PRPF4: variants seen among roughly 807,000 people sequenced by gnomAD.
The protein encoded by PRPF4 is pre-mRNA splicing tri-snRNP complex factor PRPF4.
Under a neutral mutation model 72.2 loss-of-function variants are expected in PRPF4, and 14 were observed. The observed-to-expected ratio is 0.19, with a 90% CI of 0.13 to 0.30. The LOEUF (loss-of-function observed/expected upper bound fraction) is 0.30, where lower values mean the gene tolerates loss of function less well. Among genes scored for constraint, PRPF4 ranks in the 10% least tolerant of loss-of-function variants. PRPF4 has a pLI of 1.00. For synonymous variants in PRPF4, 225 were observed against 232.2 expected, an observed-to-expected ratio of 0.97 and a Z score of 0.28; for missense variants, 478 against 653.9, an observed-to-expected ratio of 0.73 and a Z score of 2.93.
At chr9:113,276,900 C>T (rs1014472033) in intron 2 of PRPF4, among the ~76,000 whole-genome samples, 175 bp downstream of exon 2, 1 of 151,784 alleles carries the variant, frequency 6.6e-6, no homozygotes, top group Non-Finnish European at 1.5e-5. Context: ...CTGCAACCTC[C>T]GCCTCCCGGG....
At chr9:113,286,683 TG>T in intron 8 of PRPF4, 21 bp from the exon 9 acceptor site, 1 of 1,614,108 alleles carries the variant, frequency 6.2e-7, no homozygotes, top group South Asian at 1.1e-5. Flanking sequence ...CCTTTTAACT[TG>T]CATCTCTTAC....
At position 113,275,676 on chromosome 9, in the gene PRPF4, G is replaced by C. The variant is rs1832064076; in HGVS notation, c.-68G>C. On this transcript the variant is annotated 5_prime_UTR_variant, in exon 1 of 14. Transcript: ENST00000374198. ...CAGTGACGCACTTCCCCTCTGCTGG[G>C]CGCGCGGTGGACGGTCTGAAAGGGA... 1 of 1,557,786 alleles carries C rather than the reference G, an allele frequency of 6.4e-7. No individual in the cohort carries two copies.
rs1219233781 is a variant in PRPF4, at chr9:113,275,754, C to T, written c.11C>T (p.Ser4Leu). The T allele has an allele frequency of 3.7e-6, 6 of 1,612,356 alleles. No homozygotes were observed. The South Asian group carries it at 4.4e-5, about 12-fold the overall frequency. Reference protein sequence around the residue: MASSRASSTATKTK... With the variant: MASLRASSTATKTK... ...GCTCCAGAGCCCAGCATGGCTTCCT[C>T]GCGAGCCTCTTCCACGGTACAGAGC... Residue 4 changes from serine to leucine, a missense_variant, in exon 1 of 14, where the codon TCG becomes TTG. Physicochemically the swap from Ser to Leu is moderately radical, Grantham distance 145. Transcript: ENST00000374198.
rs765637017 is a variant in PRPF4 at position 113,290,433 on chromosome 9, A to G, written c.1023-33A>G. 2.0e-5 allele frequency: 32 copies of G among 1,613,678 alleles called. No individual in the cohort carries two copies. In the South Asian group the frequency reaches 3.5e-4, roughly 18 times the overall value. ...GTGTTGTAGAAACTGAATAAATATCAGCTGGTTGATTGTTAGTGTGATTTG... is the reference window on the plus strand; with the variant it reads ...GTGTTGTAGAAACTGAATAAATATCGGCTGGTTGATTGTTAGTGTGATTTG... On this transcript the variant is annotated intron_variant, in intron 10 of 13. Transcript: ENST00000374198.
Position 113,290,715 on chromosome 9 carries a change from T to C in PRPF4, c.1161T>C (p.Phe387=). ...ATTTTCTCAGGGGACTGGATGCATT[T>C]GGTCGAGTTTGGGACCTACGCACAG... The part of the protein sequence containing the change: ...SLAGTGGLDA[F]GRVWDLRTGR... The change falls in exon 12 of 14, where the codon TTT becomes TTC. Residue 387 remains phenylalanine (F), a synonymous_variant. Transcript: ENST00000374198. 1 of 1,614,222 alleles carries C rather than the reference T, an allele frequency of 6.2e-7. No homozygotes were observed. Among genetic ancestry groups the C allele is most frequent in the Non-Finnish European group, 8.5e-7 (1 of 1,180,036 alleles).
chr9:113,278,512 G>T (rs1271172930), intron 2 of PRPF4, among the ~76,000 whole-genome samples: 1 of 152,172 alleles, frequency 6.6e-6, no homozygotes, highest in Non-Finnish European at 1.5e-5. Context: ...CATTTTCCTG[G>T]TAATTATTTG....
At position 113,291,540 on chromosome 9, in the gene PRPF4, C is replaced by T; in HGVS notation, c.1446C>T (p.Ser482=). ...AGATCTGGACGCACCCAGGCTGGTC[C>T]CCGCTGAAGACTCTGGCTGGCCACG... ...TAKIWTHPGW[S]PLKTLAGHEG... The change falls in exon 14 of 14, where the codon TCC becomes TCT. Residue 482 remains serine (S), a synonymous_variant. Coordinates refer to ENST00000374198, the MANE Select transcript of PRPF4 (RefSeq NM_001244926.2). 6.2e-7 allele frequency: 1 copy of T among 1,614,108 alleles called. No individual in the cohort carries two copies. Among genetic ancestry groups the T allele is most frequent in the African/African-American group, 1.3e-5 (1 of 75,016 alleles).
intron 2 of PRPF4, 119 bp from the exon 3 acceptor site, chr9:113,278,826 A>G: frequency 3.1e-6 from 3 of 972,284 alleles, no homozygotes; most frequent in Non-Finnish European, 3.0e-6. Flanking sequence ...ACAGTAAACT[A>G]TAAAATGTGT....
chr9:113,286,150 A>T, intron 7 of PRPF4, 82 bp from the exon 8 acceptor site: 1 of 1,451,184 alleles, frequency 6.9e-7, no homozygotes, highest in Non-Finnish European at 9.7e-7. Context: ...GTGAGAAGAG[A>T]TTGTCCTTTA....
intron 9 of PRPF4, 78 bp from the exon 10 acceptor site, chr9:113,288,097 A>G: frequency 7.5e-7 from 1 of 1,333,752 alleles, no homozygotes; most frequent in Non-Finnish European, 1.1e-6. Flanking sequence ...CAGAATGGGT[A>G]TGTCTGCACA....
chr9:113,291,355 CT>C (rs1252634486), intron 13 of PRPF4, 111 bp from the exon 14 acceptor site: 2 of 1,098,158 alleles, frequency 1.8e-6, no homozygotes, highest in African/African-American at 3.2e-5. Context: ...TCCCTTAAGT[CT>C]GTAGAAACAA....
rs1421005739 is a variant in PRPF4, at chr9:113,291,589, A to G, written c.1495A>G (p.Ile499Val). The G allele has an allele frequency of 1.2e-6, 2 of 1,614,082 alleles. No homozygotes were observed. The highest frequency in any genetic ancestry group is 3.3e-5 in the Admixed American group (2 of 60,008). ...GHEGKVMGLD[I>V]SSDGQLIATC... ...CGAAGGCAAAGTGATGGGCCTAGAT[A>G]TTTCTTCCGATGGGCAGCTCATAGC... Residue 499 changes from isoleucine to valine, a missense_variant, in exon 14 of 14, where the codon ATT becomes GTT. Physicochemically the swap from Ile to Val is conservative, Grantham distance 29. Transcript: ENST00000374198.
chr9:113,281,616 C>A (rs955025749), intron 3 of PRPF4, among the ~76,000 whole-genome samples: 1 of 152,168 alleles, frequency 6.6e-6, no homozygotes, highest in Non-Finnish European at 1.5e-5. Flanking sequence ...TTCACCAGTC[C>A]TCTTCTATGT....
rs375406089 is a variant in PRPF4 at position 113,275,693 on chromosome 9, T to G, written c.-51T>G. ...TCTGCTGGGCGCGCGGTGGACGGTCTGAAAGGGAGTGTTCGGGTTTCGCTG... is the reference window on the plus strand; with the variant it reads ...TCTGCTGGGCGCGCGGTGGACGGTCGGAAAGGGAGTGTTCGGGTTTCGCTG... On this transcript the variant is annotated 5_prime_UTR_variant, in exon 1 of 14. Transcript: ENST00000374198. 6.3e-7 allele frequency: 1 copy of G among 1,595,640 alleles called. No homozygotes were observed.
At chr9:113,287,348 C>T (rs1449268607) in intron 9 of PRPF4, among the ~76,000 whole-genome samples, 5 of 152,086 alleles carry the variant, frequency 3.3e-5, no homozygotes, top group African/African-American at 1.2e-4. Context: ...AGCAAACAGC[C>T]ACAGGGGAGA....
chr9:113,280,435 A>G (rs912943471), intron 3 of PRPF4, among the ~76,000 whole-genome samples: 3 of 152,162 alleles, frequency 2.0e-5, no homozygotes, highest in African/African-American at 7.2e-5. Context: ...GAGACATCTG[A>G]ATTGAAATAT....
chr9:113,290,635 C>G (rs1383545175), intron 11 of PRPF4, 47 bp downstream of exon 11: 2 of 1,614,118 alleles, frequency 1.2e-6, no homozygotes, highest in Admixed American at 1.7e-5. Context: ...ACTCTCACCT[C>G]TTACCTATAC....
At chr9:113,290,610 C>T in intron 11 of PRPF4, 22 bp downstream of exon 11, 1 of 1,614,098 alleles carries the variant, frequency 6.2e-7, no homozygotes, top group Non-Finnish European at 8.5e-7. Context: ...CCCATGTAGT[C>T]AGGGGCAGTT....
At chr9:113,287,405 C>T (rs1365063196) in intron 9 of PRPF4, among the ~76,000 whole-genome samples, 2 of 152,056 alleles carry the variant, frequency 1.3e-5, no homozygotes, top group African/African-American at 2.4e-5. Flanking sequence ...GATGTCTCCT[C>T]GCAATAGCAT....
Sources: gnomAD v4.1 joint callset for allele counts (sites outside exome capture counted in the v4.1 genomes callset) on GRCh38, gnomAD v4.1.1 for gene constraint, MANE v1.5 for transcripts, NCBI Gene and HGNC (gene_info 2026-07-23, HGNC 2026-07-21) for gene names.